The following SPATA6 variants were observed in gnomAD, a reference collection of about 807,000 sequenced individuals.
SPATA6 encodes spermatogenesis associated 6.
Under a neutral mutation model 65.3 loss-of-function variants are expected in SPATA6, and 56 were observed. The ratio of observed to expected loss-of-function variants is 0.86; its 90% CI spans 0.69 to 1.07. SPATA6 has a LOEUF of 1.07. Ranked by LOEUF, SPATA6 falls within the 50% of genes least tolerant of loss-of-function variation. The pLI, the probability that SPATA6 is intolerant of heterozygous loss-of-function variation, is 0.00. For synonymous variants in SPATA6, 199 were observed against 213.2 expected (o/e 0.93, Z 0.58); for missense variants, 590 against 594.8 (o/e 0.99, Z 0.08).
At chr1:48,380,078 A>C (rs1648382350) in intron 9 of SPATA6, among the ~76,000 whole-genome samples, 1 of 152,258 alleles carries the variant, frequency 6.6e-6, no homozygotes, top group Non-Finnish European at 1.5e-5. Context: ...AGCTGGAGAA[A>C]AAAGAAAAAG....
chr1:48,298,659 A>G lies in SPATA6; in HGVS notation c.*54T>C. 1 of 1,521,986 alleles carries G rather than the reference A, an allele frequency of 6.6e-7. No homozygotes were observed. The highest frequency in any genetic ancestry group is 1.3e-5 in the South Asian group (1 of 75,768). 94.3% of individuals were successfully genotyped at this position (1,521,986 alleles called of 1,614,324 possible). A position where few individuals can be genotyped will look rare whatever the true frequency, so the allele number is the denominator to read the frequency against. The stretch of plus-strand genomic sequence containing the variant: ...GGAATACAGATATTGATCACATCAA[A>G]CATTTTCATTGAGAAATTGACACGG... On this transcript the variant is annotated 3_prime_UTR_variant, in exon 13 of 13. Coordinates refer to ENST00000371847, the MANE Select transcript of SPATA6 (RefSeq NM_019073.4).
chr1:48,367,632 T>C (rs1394854642), intron 9 of SPATA6, among the ~76,000 whole-genome samples: 1 of 152,178 alleles, frequency 6.6e-6, no homozygotes, highest in African/African-American at 2.4e-5. Context: ...TGCCTTTTTT[T>C]GTTTTCCATT....
chr1:48,344,535 A>G (rs1424263302), intron 11 of SPATA6, among the ~76,000 whole-genome samples: 1 of 152,164 alleles, frequency 6.6e-6, no homozygotes, highest in Non-Finnish European at 1.5e-5. Context: ...TATAAACACT[A>G]AACTTAAATC....
At chr1:48,455,858 A>T (rs1172819876) in intron 1 of SPATA6, among the ~76,000 whole-genome samples, 1 of 152,130 alleles carries the variant, frequency 6.6e-6, no homozygotes, top group Non-Finnish European at 1.5e-5. Context: ...TTCATCTACA[A>T]TTCTACAAAT....
chr1:48,347,614 T>C (rs1646406997), intron 11 of SPATA6, among the ~76,000 whole-genome samples: 2 of 151,212 alleles, frequency 1.3e-5, no homozygotes, highest in Admixed American at 1.3e-4. Flanking sequence ...ATAAGAATAG[T>C]TAAACAATAA....
At chr1:48,269,403 G>A in the SPATA6 span, among the ~76,000 whole-genome samples, 85 of 152,224 alleles carry the variant, frequency 5.6e-4, 1 homozygote, top group South Asian at 1.7e-3. Flanking sequence ...GAAGAATACA[G>A]AGGTGACAAA....
intron 4 of SPATA6, among the ~76,000 whole-genome samples, chr1:48,412,775 C>A (rs1652372711): frequency 6.6e-6 from 1 of 152,078 alleles, no homozygotes; most frequent in African/African-American, 2.4e-5. Context: ...CCCACCACCA[C>A]ACCTGGATAA....
At chr1:48,403,431 G>C (rs906069561) in intron 6 of SPATA6, among the ~76,000 whole-genome samples, 5 of 152,234 alleles carry the variant, frequency 3.3e-5, no homozygotes, top group Admixed American at 6.5e-5. Flanking sequence ...GGTATCCTTT[G>C]AACTTTTTGC....
chr1:48,336,411 G>T (rs1405439988), intron 11 of SPATA6, among the ~76,000 whole-genome samples: 2 of 151,888 alleles, frequency 1.3e-5, no homozygotes, highest in African/African-American at 4.8e-5. Flanking sequence ...TGGATAAAGA[G>T]AATGTGGTAC....
intron 8 of SPATA6, among the ~76,000 whole-genome samples, chr1:48,391,340 CCA>C (rs1650047609): frequency 6.6e-6 from 1 of 151,612 alleles, no homozygotes; most frequent in Admixed American, 6.6e-5. Flanking sequence ...TACACCACGC[CCA>C]CCAGCCTGGA....
chr1:48,332,010 A>G (rs79969795), intron 11 of SPATA6, among the ~76,000 whole-genome samples: 8,417 of 152,226 alleles, frequency 0.055, 331 homozygotes, highest in African/African-American at 0.1. Context: ...ATCATTTTCA[A>G]TTTGATCCTA....
the SPATA6 span, among the ~76,000 whole-genome samples, chr1:48,284,513 T>C: frequency 7.9e-5 from 12 of 152,226 alleles, no homozygotes; most frequent in African/African-American, 2.4e-4. Flanking sequence ...AGAGGCATTC[T>C]GGTTTTTGGA....
chr1:48,394,435 T>C (rs1319107896), intron 8 of SPATA6, among the ~76,000 whole-genome samples: 1 of 152,094 alleles, frequency 6.6e-6, no homozygotes, highest in Non-Finnish European at 1.5e-5. Flanking sequence ...GAAAACAGTA[T>C]GTAACATCTG....
intron 3 of SPATA6, among the ~76,000 whole-genome samples, chr1:48,415,954 G>A (rs1279894785): frequency 2.0e-5 from 3 of 152,120 alleles, no homozygotes; most frequent in Non-Finnish European, 4.4e-5. Context: ...TATAATCCCA[G>A]CACTTTTCAA....
intron 11 of SPATA6, among the ~76,000 whole-genome samples, chr1:48,346,178 T>A (rs912015159): frequency 2.0e-5 from 3 of 152,008 alleles, no homozygotes; most frequent in Admixed American, 1.3e-4. Context: ...GGTTCAACAT[T>A]ACACAAATCA....
intron 11 of SPATA6, among the ~76,000 whole-genome samples, chr1:48,321,649 C>T (rs1428294854): frequency 6.6e-6 from 1 of 152,174 alleles, no homozygotes; most frequent in Non-Finnish European, 1.5e-5. Context: ...CAGACTTAAT[C>T]TGCACTATAG....
intron 1 of SPATA6, among the ~76,000 whole-genome samples, chr1:48,456,500 GAA>G (rs890093582): frequency 3.4e-5 from 5 of 147,204 alleles, no homozygotes; most frequent in Non-Finnish European, 6.0e-5. Flanking sequence ...ATACATGGGG[GAA>G]AAAAAAAAGA....
At chr1:48,334,535 ATATGAT>A (rs1389653474) in intron 11 of SPATA6, among the ~76,000 whole-genome samples, 1 of 152,210 alleles carries the variant, frequency 6.6e-6, no homozygotes, top group Admixed American at 6.5e-5. Flanking sequence ...AACAAAAACC[ATATGAT>A]TATATCAATG....
chr1:48,367,124 C>T (rs573015879), intron 9 of SPATA6, among the ~76,000 whole-genome samples: 4,656 of 152,140 alleles, frequency 0.031, 219 homozygotes, highest in African/African-American at 0.11. Context: ...GTTTCTTAAT[C>T]CTGAGTTCTA....
Sources: allele counts gnomAD v4.1 joint callset (sites outside exome capture counted in the v4.1 genomes callset), GRCh38; gene constraint gnomAD v4.1.1; transcripts MANE v1.5; gene names NCBI Gene and HGNC (gene_info 2026-07-23, HGNC 2026-07-21).